CALCR: variants seen among roughly 807,000 people sequenced by gnomAD.
CALCR encodes calcitonin receptor.
CALCR carries 47 observed loss-of-function variants against 59.5 expected under a neutral mutation model. The observed-to-expected ratio is 0.79, with a 90% confidence interval of 0.63 to 1.01. The LOEUF is 1.01. Among genes scored for constraint, CALCR ranks in the 50% least tolerant of loss-of-function variants. The pLI is 0.00. For synonymous variants in CALCR, 213 were observed against 211.3 expected, an observed-to-expected ratio of 1.01 and a Z score of -0.07; for missense variants, 566 against 597.1, an observed-to-expected ratio of 0.95 and a Z score of 0.54.
chr7:93,472,237 A>G, intron 6 of CALCR, 138 bp downstream of exon 6: 1 of 602,900 alleles, frequency 1.7e-6, no homozygotes, highest in Non-Finnish European at 3.0e-6. Context: ...AGATTCCTAG[A>G]ACTTACCAGT....
At chr7:93,513,473 G>C (rs7808419) in intron 2 of CALCR, among the ~76,000 whole-genome samples, 18,253 of 152,010 alleles carry the variant, frequency 0.12, 2,376 homozygotes, top group African/African-American at 0.31. Context: ...CCATTTATTT[G>C]AGTAGTAGTC....
intron 3 of CALCR, chr7:93,482,686 C>T: frequency 2.1e-6 from 1 of 467,426 alleles, no homozygotes; most frequent in South Asian, 1.6e-5. Flanking sequence ...TGCTTTAATG[C>T]AGTTTTAACA....
chr7:93,560,022 T>C (rs1449111204), intron 2 of CALCR, among the ~76,000 whole-genome samples: 1 of 152,126 alleles, frequency 6.6e-6, no homozygotes, highest in African/African-American at 2.4e-5. Flanking sequence ...GAAACAGCTA[T>C]TTAAAATCCA....
chr7:93,519,872 A>T (rs1195159066), intron 2 of CALCR, among the ~76,000 whole-genome samples: 1 of 151,752 alleles, frequency 6.6e-6, no homozygotes, highest in East Asian at 1.9e-4. Context: ...CTTCTCCTTC[A>T]CCTTTGACTA....
At chr7:93,523,006 A>G (rs2116097058) in intron 2 of CALCR, among the ~76,000 whole-genome samples, 1 of 152,306 alleles carries the variant, frequency 6.6e-6, no homozygotes, top group Middle Eastern at 3.4e-3. Flanking sequence ...ACATTATTAA[A>G]GTTAATGTTT....
intron 7 of CALCR, chr7:93,462,260 G>T (rs1800353302): frequency 1.9e-6 from 1 of 514,982 alleles, no homozygotes; most frequent in Non-Finnish European, 3.4e-6. Flanking sequence ...ACAGGTATAG[G>T]ATGTAGAATT....
intron 5 of CALCR, among the ~76,000 whole-genome samples, chr7:93,476,308 T>C (rs1179566862): frequency 6.6e-6 from 1 of 151,834 alleles, no homozygotes; most frequent in East Asian, 1.9e-4. Context: ...TTCACTATCT[T>C]TTACCAAGTA....
chr7:93,544,296 C>T (rs879727703), intron 2 of CALCR, among the ~76,000 whole-genome samples: 5 of 152,056 alleles, frequency 3.3e-5, no homozygotes, highest in Non-Finnish European at 7.4e-5. Flanking sequence ...TCTCCATATA[C>T]TAGCTAAGGC....
chr7:93,477,504 T>C (rs957093830), intron 5 of CALCR, 54 bp downstream of exon 5: 2 of 1,265,008 alleles, frequency 1.6e-6, no homozygotes, highest in African/African-American at 3.0e-5. Context: ...CTCAAAACCA[T>C]GAAAACTCTA....
chr7:93,544,889 TGCTCATG>T (rs1335171699), intron 2 of CALCR, among the ~76,000 whole-genome samples: 1 of 152,198 alleles, frequency 6.6e-6, no homozygotes, highest in Non-Finnish European at 1.5e-5. Flanking sequence ...GATTTCATGC[TGCTCATG>T]GCTCATTTCA....
chr7:93,509,579 T>G (rs1339490594), intron 2 of CALCR, among the ~76,000 whole-genome samples: 1 of 152,188 alleles, frequency 6.6e-6, no homozygotes, highest in East Asian at 1.9e-4. Context: ...TAGCTTTATT[T>G]TCTTTCTAAA....
chr7:93,470,866 C>T (rs1198762753), intron 6 of CALCR, among the ~76,000 whole-genome samples: 2 of 151,488 alleles, frequency 1.3e-5, no homozygotes, highest in African/African-American at 4.8e-5. Flanking sequence ...TGCTGGTGCG[C>T]TGCACCCACT....
Position 93,472,428 on chromosome 7 carries a change from G to A in CALCR, c.376C>T (p.Arg126Ter), listed in dbSNP as rs1046608937. 1.2e-6 allele frequency: 2 copies of A among 1,610,608 alleles called. No individual in the cohort carries two copies. Among genetic ancestry groups the A allele is most frequent in the Non-Finnish European group, 1.7e-6 (2 of 1,177,684 alleles). ...GVWFKHPENNRTWSNYTMCNA... is the reference protein window; with the variant it reads ...GVWFKHPENN ...CACATAGTATAGTTGGACCAGGTTCGATTGTTTTCAGGATGTTTAAACCAA... is the reference window on the plus strand; with the variant it reads ...CACATAGTATAGTTGGACCAGGTTCAATTGTTTTCAGGATGTTTAAACCAA... The change falls in exon 6 of 14, where the codon CGA becomes TGA. Residue 126 changes from arginine (R) to a stop codon, truncating the protein, a stop_gained. Transcript: ENST00000426151. LOFTEE classifies it high-confidence loss of function.
intron 2 of CALCR, among the ~76,000 whole-genome samples, chr7:93,511,098 C>T (rs901541034): frequency 2.0e-5 from 3 of 150,384 alleles, no homozygotes; most frequent in Admixed American, 6.6e-5. Context: ...TCTCTCTCTA[C>T]ATATATATAT....
At chr7:93,492,846 G>A (rs1348514027) in intron 2 of CALCR, among the ~76,000 whole-genome samples, 1 of 150,966 alleles carries the variant, frequency 6.6e-6, no homozygotes, top group African/African-American at 2.4e-5. Context: ...ACCTGAATAG[G>A]GTTTTGAAAA....
intron 2 of CALCR, among the ~76,000 whole-genome samples, chr7:93,515,479 C>A (rs1290824328): frequency 1.3e-5 from 2 of 151,952 alleles, no homozygotes; most frequent in South Asian, 4.1e-4. Flanking sequence ...TAAAATACAT[C>A]ATTGTGATTA....
intron 2 of CALCR, among the ~76,000 whole-genome samples, chr7:93,526,344 T>G (rs938946367): frequency 6.6e-6 from 1 of 152,014 alleles, no homozygotes; most frequent in Non-Finnish European, 1.5e-5. Flanking sequence ...CTGTTACTTG[T>G]CCTTTGGAGA....
intron 3 of CALCR, among the ~76,000 whole-genome samples, chr7:93,479,915 C>A (rs922519260): frequency 6.6e-6 from 1 of 151,966 alleles, no homozygotes; most frequent in East Asian, 1.9e-4. Flanking sequence ...AAAAAATAGA[C>A]ATAGTTCAAT....
intron 5 of CALCR, among the ~76,000 whole-genome samples, chr7:93,475,442 G>A (rs748124520): frequency 6.6e-6 from 1 of 151,584 alleles, no homozygotes; most frequent in African/African-American, 2.4e-5. Context: ...AAAATTTGTC[G>A]ATTATTTTGC....
Sources: gnomAD v4.1 joint callset for allele counts (sites outside exome capture counted in the v4.1 genomes callset) on GRCh38, gnomAD v4.1.1 for gene constraint, MANE v1.5 for transcripts, NCBI Gene and HGNC (gene_info 2026-07-23, HGNC 2026-07-21) for gene names.